Variants in LRP1B observed in about 807,000 individuals in gnomAD.
The protein encoded by LRP1B is LDL receptor related protein 1B.
Under a neutral mutation model 556.6 loss-of-function variants are expected in LRP1B, and 217 were observed. The observed-to-expected ratio is 0.39, with a 90% CI of 0.35 to 0.44. The LOEUF (loss-of-function observed/expected upper bound fraction) is 0.44. LRP1B is among the 20% of genes least tolerant of loss of function. LRP1B has a pLI of 1.00. For synonymous variants in LRP1B, 2,047 were observed against 1,865.8 expected (o/e 1.10, Z -2.50); for missense variants, 5,053 against 5,620.8 (o/e 0.90, Z 3.23).
chr2:141,884,610 G>A (rs955157162), intron 1 of LRP1B, among the ~76,000 whole-genome samples: 1 of 152,014 alleles, frequency 6.6e-6, no homozygotes, highest in African/African-American at 2.4e-5. Flanking sequence ...GTACTTCATC[G>A]ACTTTATCTC....
intron 49 of LRP1B, among the ~76,000 whole-genome samples, chr2:140,522,078 C>T (rs1690204343): frequency 6.6e-6 from 1 of 151,962 alleles, no homozygotes; most frequent in Admixed American, 6.6e-5. Context: ...CAACACTTGA[C>T]CTATTGGACC....
chr2:140,892,671 T>A (rs1693832233), intron 23 of LRP1B, among the ~76,000 whole-genome samples: 1 of 152,142 alleles, frequency 6.6e-6, no homozygotes, highest in Non-Finnish European at 1.5e-5. Flanking sequence ...TTACTGGTCC[T>A]AAAGGAATTT....
chr2:140,986,209 A>C (rs1418786519), intron 17 of LRP1B, among the ~76,000 whole-genome samples: 1 of 151,782 alleles, frequency 6.6e-6, no homozygotes, highest in Non-Finnish European at 1.5e-5. Context: ...TATTTTAATT[A>C]TGAATAGCAT....
intron 22 of LRP1B, among the ~76,000 whole-genome samples, chr2:140,906,344 A>G (rs1694253246): frequency 1.3e-5 from 2 of 151,938 alleles, no homozygotes; most frequent in Admixed American, 1.3e-4. Flanking sequence ...TTCTCTCATT[A>G]CTCTTTTACT....
chr2:141,098,131 A>G (rs1313713280), intron 7 of LRP1B, among the ~76,000 whole-genome samples: 2 of 152,202 alleles, frequency 1.3e-5, no homozygotes, highest in Non-Finnish European at 2.9e-5. Flanking sequence ...TTTGAGAATT[A>G]TAAATCTATA....
intron 37 of LRP1B, among the ~76,000 whole-genome samples, chr2:140,704,253 T>C (rs1369531590): frequency 1.3e-5 from 2 of 152,174 alleles, no homozygotes; most frequent in African/African-American, 4.8e-5. Context: ...CTCACTGGAG[T>C]TATTTAAGTA....
chr2:141,933,714 C>G (rs1353386600), intron 1 of LRP1B, among the ~76,000 whole-genome samples: 1 of 151,954 alleles, frequency 6.6e-6, no homozygotes, highest in Non-Finnish European at 1.5e-5. Flanking sequence ...TTAAAGCAGA[C>G]AAAACTACAA....
chr2:141,885,317 T>G (rs764728336), intron 1 of LRP1B, among the ~76,000 whole-genome samples: 4 of 152,170 alleles, frequency 2.6e-5, no homozygotes, highest in Non-Finnish European at 2.9e-5. Flanking sequence ...GGAATTGCTA[T>G]GGGCACTGGG....
At chr2:140,445,897 T>C (rs1686638072) in intron 63 of LRP1B, among the ~76,000 whole-genome samples, 1 of 152,164 alleles carries the variant, frequency 6.6e-6, no homozygotes, top group Non-Finnish European at 1.5e-5. Context: ...TTGAGGTTAA[T>C]ATTATCTTTA....
At chr2:141,613,349 G>T (rs569161075) in intron 2 of LRP1B, among the ~76,000 whole-genome samples, 1 of 152,224 alleles carries the variant, frequency 6.6e-6, no homozygotes, top group East Asian at 1.9e-4. Flanking sequence ...TGACCCAAAA[G>T]TTGCATGACC....
At chr2:141,094,361 AAT>A (rs1356290141) in intron 7 of LRP1B, among the ~76,000 whole-genome samples, 1 of 152,206 alleles carries the variant, frequency 6.6e-6, no homozygotes, top group Non-Finnish European at 1.5e-5. Flanking sequence ...ATTATTTAAA[AAT>A]ATGTTTATTA....
At chr2:141,443,244 G>A (rs1213383867) in intron 3 of LRP1B, among the ~76,000 whole-genome samples, 1 of 152,050 alleles carries the variant, frequency 6.6e-6, no homozygotes, top group African/African-American at 2.4e-5. Context: ...AGAAGTGTCT[G>A]TTCATATCCT....
intron 51 of LRP1B, among the ~76,000 whole-genome samples, chr2:140,512,203 G>A (rs931501941): frequency 6.6e-6 from 1 of 152,086 alleles, no homozygotes; most frequent in Non-Finnish European, 1.5e-5. Flanking sequence ...AAAATGATGG[G>A]TATGACTAGA....
chr2:140,839,957 T>A lies in LRP1B; in HGVS notation c.5209+34A>T, dbSNP rs1431526293. 3.0e-6 allele frequency: 4 copies of A among 1,332,166 alleles called. No homozygotes were observed. In the African/African-American group the frequency reaches 5.8e-5, roughly 19 times the overall value. The allele number at this position is 1,332,166 out of a possible 1,614,324, so 82.5% of individuals were successfully genotyped here. ...TTGTACAAGTACAGGTTTGTCACAT[T>A]GAAAACTTGGTGACTATTAAAAAAA... is the stretch of plus-strand genomic sequence containing the variant. On this transcript the variant is annotated intron_variant, in intron 31 of 90. Coordinates refer to ENST00000389484, the MANE Select transcript of LRP1B (RefSeq NM_018557.3).
At chr2:141,999,779 G>A (rs1169386546) in intron 1 of LRP1B, among the ~76,000 whole-genome samples, 1 of 151,688 alleles carries the variant, frequency 6.6e-6, no homozygotes, top group African/African-American at 2.4e-5. Context: ...CCAATTCTAT[G>A]CTTTGCACAC....
At chr2:140,998,192 C>T (rs1377808857) in intron 15 of LRP1B, among the ~76,000 whole-genome samples, 2 of 152,040 alleles carry the variant, frequency 1.3e-5, no homozygotes, top group African/African-American at 4.8e-5. Context: ...TTGTGCAATG[C>T]TGTCCCTTGG....
intron 52 of LRP1B, among the ~76,000 whole-genome samples, chr2:140,508,696 T>G (rs1460018488): frequency 6.6e-6 from 1 of 152,182 alleles, no homozygotes; most frequent in Admixed American, 6.5e-5. Flanking sequence ...GATTAATCTT[T>G]AAAACACTGA....
At chr2:140,915,447 G>A (rs992893615) in intron 21 of LRP1B, among the ~76,000 whole-genome samples, 2 of 151,292 alleles carry the variant, frequency 1.3e-5, no homozygotes, top group African/African-American at 2.4e-5. Flanking sequence ...TAAGGAGTTC[G>A]AGAACAGCCT....
At chr2:141,307,178 ATGATCTGTCTCATGCTGAGAGTAGGGTGT>A (rs1225971611) in intron 3 of LRP1B, among the ~76,000 whole-genome samples, 1 of 151,928 alleles carries the variant, frequency 6.6e-6, no homozygotes, top group Non-Finnish European at 1.5e-5. Context: ...TTTAATCTAG[ATGATCTGTCTCATGCTGAGAGTAGGGTGT>A]TGAAATCCCC....
Sources: allele counts gnomAD v4.1 joint callset (sites outside exome capture counted in the v4.1 genomes callset), GRCh38; gene constraint gnomAD v4.1.1; transcripts MANE v1.5; gene names NCBI Gene and HGNC (gene_info 2026-07-23, HGNC 2026-07-21).